Variants in CNTNAP2 observed in about 807,000 individuals in gnomAD.
CNTNAP2 encodes the protein contactin associated protein 2, also known as contactin-associated protein-like 2.
In CNTNAP2, 98 loss-of-function variants were observed where a neutral mutation model predicts 155.2. The ratio of observed to expected loss-of-function variants is 0.63; its 90% CI spans 0.54 to 0.75. The LOEUF (loss-of-function observed/expected upper bound fraction) is 0.75, where lower values mean the gene tolerates loss of function less well. Among genes scored for constraint, CNTNAP2 ranks in the 30% least tolerant of loss-of-function variants. The probability of loss-of-function intolerance (pLI) is 0.00; values close to 1 mark genes in which losing one functional copy is unlikely to be tolerated. For synonymous variants in CNTNAP2, 651 were observed against 631.2 expected (o/e 1.03, Z -0.47); for missense variants, 1,727 against 1,688.1 (o/e 1.02, Z -0.40).
At chr7:147,616,234 C>T (rs1347545759) in intron 12 of CNTNAP2, among the ~76,000 whole-genome samples, 5 of 152,154 alleles carry the variant, frequency 3.3e-5, no homozygotes, top group Non-Finnish European at 2.9e-5. Flanking sequence ...AAGTGACCAT[C>T]TCCCATTAGC....
intron 1 of CNTNAP2, among the ~76,000 whole-genome samples, chr7:146,755,327 A>C (rs1039636754): frequency 6.6e-5 from 10 of 152,172 alleles, no homozygotes; most frequent in African/African-American, 2.2e-4. Flanking sequence ...TCAAAAGTGT[A>C]TGTGTGAATA....
At chr7:147,671,157 A>G (rs975267746) in intron 13 of CNTNAP2, among the ~76,000 whole-genome samples, 2 of 152,190 alleles carry the variant, frequency 1.3e-5, no homozygotes, top group African/African-American at 4.8e-5. Flanking sequence ...AGTTGGTTCC[A>G]GTGTTTGCGC....
chr7:147,363,102 G>T (rs538680346), intron 9 of CNTNAP2, among the ~76,000 whole-genome samples: 1 of 152,234 alleles, frequency 6.6e-6, no homozygotes, highest in South Asian at 2.1e-4. Context: ...AGCATCCAAC[G>T]GGATGCTAAT....
intron 1 of CNTNAP2, among the ~76,000 whole-genome samples, chr7:146,522,914 T>G (rs1331615303): frequency 6.6e-6 from 1 of 151,926 alleles, no homozygotes; most frequent in Admixed American, 6.6e-5. Context: ...TGGAATCATC[T>G]TTCCTCATTC....
At chr7:146,955,156 A>G (rs1797406648) in intron 3 of CNTNAP2, among the ~76,000 whole-genome samples, 1 of 152,000 alleles carries the variant, frequency 6.6e-6, no homozygotes, top group Admixed American at 6.6e-5. Context: ...TTAATCATAT[A>G]TTCACTGTTA....
chr7:148,390,181 A>G (rs1248194847), intron 22 of CNTNAP2, among the ~76,000 whole-genome samples: 1 of 152,236 alleles, frequency 6.6e-6, no homozygotes, highest in Non-Finnish European at 1.5e-5. Flanking sequence ...CAAGCTTGCA[A>G]AGAGACCAGG....
At chr7:146,356,766 T>C (rs2129099934) in intron 1 of CNTNAP2, among the ~76,000 whole-genome samples, 1 of 152,180 alleles carries the variant, frequency 6.6e-6, no homozygotes. Flanking sequence ...ATTCACATGG[T>C]TTTCAGCTTT....
intron 14 of CNTNAP2, among the ~76,000 whole-genome samples, chr7:147,913,614 A>G (rs17170744): frequency 0.011 from 1,667 of 152,364 alleles, 87 homozygotes; most frequent in Admixed American, 0.091. Flanking sequence ...TTCTAACATC[A>G]GTCTGGAAAA....
chr7:146,934,580 A>G lies in CNTNAP2; in HGVS notation c.402+94676A>G, dbSNP rs565912199. Among the ~76,000 whole-genome samples, 301 of 152,284 alleles carry G rather than the reference A, an allele frequency of 2.0e-3. 2 individuals are homozygous for G. Among genetic ancestry groups the G allele is most frequent in the African/African-American group, 6.7e-3 (277 of 41,568 alleles). On this transcript the variant is annotated intron_variant, in intron 3 of 23. Coordinates refer to ENST00000361727, the MANE Select transcript of CNTNAP2 (RefSeq NM_014141.6). ...AACCTGCACATTGTGCACATGTACCATAAAACTTTAATAATAATAAAATTA... is the reference window on the plus strand; with the variant it reads ...AACCTGCACATTGTGCACATGTACCGTAAAACTTTAATAATAATAAAATTA...
intron 19 of CNTNAP2, among the ~76,000 whole-genome samples, chr7:148,223,257 AT>A (rs1301038771): frequency 6.6e-6 from 1 of 152,014 alleles, no homozygotes; most frequent in Non-Finnish European, 1.5e-5. Context: ...TTAAACTCCT[AT>A]TCCACTTACT....
intron 10 of CNTNAP2, among the ~76,000 whole-genome samples, chr7:147,417,089 CAAAA>C (rs3050513): frequency 6.3e-5 from 8 of 126,300 alleles, no homozygotes; most frequent in Non-Finnish European, 6.8e-5. Context: ...ACTCTGGTCT[CAAAA>C]AAAAAAAAAA....
intron 1 of CNTNAP2, among the ~76,000 whole-genome samples, chr7:146,682,496 A>G (rs1800522311): frequency 6.6e-6 from 1 of 152,200 alleles, no homozygotes; most frequent in Admixed American, 6.5e-5. Flanking sequence ...TTTAATATCT[A>G]ATATACATTT....
chr7:148,396,579 T>C (rs1490140546), intron 22 of CNTNAP2, among the ~76,000 whole-genome samples: 2 of 152,234 alleles, frequency 1.3e-5, no homozygotes, highest in East Asian at 3.8e-4. Flanking sequence ...CTCATGTCCT[T>C]GCTATGATCT....
intron 21 of CNTNAP2, among the ~76,000 whole-genome samples, chr7:148,288,104 T>C (rs111785262): frequency 0.021 from 3,150 of 147,492 alleles, 66 homozygotes; most frequent in Non-Finnish European, 0.034. Context: ...TTTTTTTCTT[T>C]TCTTTTTTTT....
chr7:147,497,954 T>G (rs1267927028), intron 11 of CNTNAP2, among the ~76,000 whole-genome samples: 2 of 152,222 alleles, frequency 1.3e-5, no homozygotes, highest in African/African-American at 4.8e-5. Flanking sequence ...AATAACATTT[T>G]CTGGACTTCC....
At chr7:146,942,288 T>C (rs945208355) in intron 3 of CNTNAP2, among the ~76,000 whole-genome samples, 3 of 152,124 alleles carry the variant, frequency 2.0e-5, no homozygotes, top group Non-Finnish European at 4.4e-5. Flanking sequence ...CAAATTTATA[T>C]ATGCTGGAGC....
chr7:146,615,632 T>C (rs887236239), intron 1 of CNTNAP2, among the ~76,000 whole-genome samples: 2 of 152,204 alleles, frequency 1.3e-5, no homozygotes, highest in Non-Finnish European at 2.9e-5. Flanking sequence ...CTGAAGGCTT[T>C]TCTGGCCAAG....
chr7:147,950,883 A>T (rs573996995), intron 14 of CNTNAP2, among the ~76,000 whole-genome samples: 24 of 152,302 alleles, frequency 1.6e-4, no homozygotes, highest in African/African-American at 5.8e-4. Context: ...CGTACCAAAA[A>T]ACTTTGTTAA....
chr7:146,293,864 T>G lies in CNTNAP2; in HGVS notation c.97+176891T>G, dbSNP rs533511952. On this transcript the variant is annotated intron_variant, in intron 1 of 23. Coordinates refer to ENST00000361727, the MANE Select transcript of CNTNAP2 (RefSeq NM_014141.6). ...ATATCAACATGGAGACCTTCCATAA[T>G]GTAAAAGTGGTTCTTTTTTTAATAA... Among the ~76,000 whole-genome samples, 70 of 152,288 alleles carry G rather than the reference T, an allele frequency of 4.6e-4. 1 individual carries two copies. The highest frequency in any genetic ancestry group is 1.6e-3 in the African/African-American group (66 of 41,578).
Sources: gnomAD v4.1 joint callset for allele counts (sites outside exome capture counted in the v4.1 genomes callset) on GRCh38, gnomAD v4.1.1 for gene constraint, MANE v1.5 for transcripts, NCBI Gene and HGNC (gene_info 2026-07-23, HGNC 2026-07-21) for gene names.